ARPC5: variants seen among roughly 807,000 people sequenced by gnomAD.
The protein encoded by ARPC5 is actin related protein 2/3 complex subunit 5, also known as actin-related protein 2/3 complex subunit 5.
Under a neutral mutation model 15.4 loss-of-function variants are expected in ARPC5, and 5 were observed. That is an observed-to-expected ratio of 0.32 (90% CI 0.17 to 0.68). The LOEUF (loss-of-function observed/expected upper bound fraction) is 0.68. Ranked by LOEUF, ARPC5 falls within the 30% of genes least tolerant of loss-of-function variation. The pLI, the probability that ARPC5 is intolerant of heterozygous loss-of-function variation, is 0.71. For missense variants in ARPC5, 138 were observed against 192.8 expected, an observed-to-expected ratio of 0.72 and a Z score of 1.68; for synonymous variants, 85 against 72.2, an observed-to-expected ratio of 1.18 and a Z score of -0.90.
At chr1:183,633,021 A>G in intron 2 of ARPC5, 61 bp downstream of exon 2, 1 of 1,272,626 alleles carries the variant, frequency 7.9e-7, no homozygotes, top group Non-Finnish European at 1.1e-6. Flanking sequence ...TTGCAACTGC[A>G]GAGGATTTTA....
At position 183,635,522 on chromosome 1, in the gene ARPC5, C is replaced by G. The variant is rs748896253; in HGVS notation, c.138G>C (p.Leu46=). ...GGCGGTGAATGCAAGGATATTGCCG[C>G]AGGCAGGAGTCCACCTCGCCCTCGT... ...GPDEGEVDSC[L]RQGNMTAALQ... The change falls in exon 1 of 4, where the codon CTG becomes CTC. Residue 46 remains leucine, a synonymous_variant. Coordinates refer to ENST00000359856, the MANE Select transcript of ARPC5 (RefSeq NM_005717.4). 6.2e-7 allele frequency: 1 copy of G among 1,611,178 alleles called. No homozygotes were observed. The highest frequency in any genetic ancestry group is 8.5e-7 in the Non-Finnish European group (1 of 1,179,010).
At position 183,623,749 on chromosome 1, in the gene ARPC5, C is replaced by T. The variant is rs977777319; in HGVS notation, c.*3783G>A. ...CTAAAAATTAATCAATCTGGCTGGG[C>T]GCGGTGGTCACGCCTGTAATCCCAG... On this transcript the variant is annotated 3_prime_UTR_variant, in exon 4 of 4. Transcript: ENST00000359856. 8 of 488,244 alleles carry T rather than the reference C, an allele frequency of 1.6e-5. No homozygotes were observed. The highest frequency in any genetic ancestry group is 3.9e-5 in the African/African-American group (2 of 50,964). The allele number at this position is 488,244 out of a possible 1,614,324, so 30.2% of individuals were successfully genotyped here.
chr1:183,631,235 AATTT>A, intron 2 of ARPC5: 1 of 152,108 alleles, frequency 6.6e-6, no homozygotes, highest in South Asian at 2.1e-4. Context: ...ATAATTTAAC[AATTT>A]ATTAAAACAA....
rs1251673041 is a variant in ARPC5, at chr1:183,635,692, T to G, written c.-33A>C. 2.5e-6 allele frequency: 4 copies of G among 1,601,306 alleles called. No individual in the cohort carries two copies. The highest frequency in any genetic ancestry group is 3.4e-5 in the Admixed American group (2 of 58,826). On this transcript the variant is annotated 5_prime_UTR_variant, in exon 1 of 4. Transcript: ENST00000359856. ...CCGACCAGCGGCAAAGGCCTCTTCT[T>G]GGCGCTGCCTCTACCTCAGCAAGCC...
At chr1:183,631,763 T>C (rs1369536193) in intron 2 of ARPC5, 1 of 152,154 alleles carries the variant, frequency 6.6e-6, no homozygotes, top group Admixed American at 6.5e-5. Flanking sequence ...AGATATGAAA[T>C]ATAGTGATGT....
chr1:183,634,492 T>A (rs562256811), intron 1 of ARPC5, among the ~76,000 whole-genome samples: 47 of 152,366 alleles, frequency 3.1e-4, no homozygotes, highest in African/African-American at 1.1e-3. Context: ...TAGAAATGCA[T>A]ACAAATTCAG....
intron 2 of ARPC5, 156 bp from the exon 3 acceptor site, chr1:183,630,793 G>T: frequency 1.5e-6 from 1 of 668,644 alleles, no homozygotes; most frequent in Non-Finnish European, 2.5e-6. Flanking sequence ...TCAGACAGAG[G>T]AAAGAACAGT....
rs1167139383 is a variant in ARPC5, at chr1:183,621,962, T to G, written c.*5570A>C. The G allele has an allele frequency of 6.6e-6, 1 of 152,212 alleles. No individual in the cohort carries two copies. Among genetic ancestry groups the G allele is most frequent in the Non-Finnish European group, 1.5e-5 (1 of 68,040 alleles). The allele number at this position is 152,212 out of a possible 1,614,324, so 9.4% of individuals were successfully genotyped here. A position where few individuals can be genotyped will look rare whatever the true frequency, so the allele number is the denominator to read the frequency against. ...GCAGCCCAGTAGGTCTCAGCCTTAT[T>G]TTACCCAGCTTCTATTCAAGAAGGA... On this transcript the variant is annotated 3_prime_UTR_variant, in exon 4 of 4. Transcript: ENST00000359856.
chr1:183,633,355 T>A, intron 1 of ARPC5: 1 of 416,910 alleles, frequency 2.4e-6, no homozygotes, highest in Non-Finnish European at 4.3e-6. Context: ...GACTTTTTTT[T>A]AATAAAGCAA....
At position 183,623,752 on chromosome 1, in the gene ARPC5, G is replaced by C. The variant is rs960774361; in HGVS notation, c.*3780C>G. The C allele has an allele frequency of 2.1e-6, 1 of 478,708 alleles. No individual in the cohort carries two copies. Among genetic ancestry groups the C allele is most frequent in the Non-Finnish European group, 3.8e-6 (1 of 265,454 alleles). The allele number at this position is 478,708 out of a possible 1,614,324, so 29.7% of individuals were successfully genotyped here. On this transcript the variant is annotated 3_prime_UTR_variant, in exon 4 of 4. Coordinates refer to ENST00000359856, the MANE Select transcript of ARPC5 (RefSeq NM_005717.4). Reference sequence around the variant, plus strand: ...AAAATTAATCAATCTGGCTGGGCGCGGTGGTCACGCCTGTAATCCCAGTGC... The same window carrying C: ...AAAATTAATCAATCTGGCTGGGCGCCGTGGTCACGCCTGTAATCCCAGTGC...
intron 1 of ARPC5, among the ~76,000 whole-genome samples, chr1:183,634,617 C>G (rs1227326460): frequency 6.6e-6 from 1 of 152,152 alleles, no homozygotes; most frequent in East Asian, 1.9e-4. Context: ...TATGCAAAAA[C>G]AGAAACCGGG....
rs1203325549 is a variant in ARPC5 at position 183,624,964 on chromosome 1, T to C, written c.*2568A>G. 1.3e-5 allele frequency: 2 copies of C among 152,204 alleles called. No homozygotes were observed. The highest frequency in any genetic ancestry group is 2.1e-4 in the South Asian group (1 of 4,828). The allele number at this position is 152,204 out of a possible 1,614,324, so 9.4% of individuals were successfully genotyped here. A position where few individuals can be genotyped will look rare whatever the true frequency, so the allele number is the denominator to read the frequency against. On this transcript the variant is annotated 3_prime_UTR_variant, in exon 4 of 4. Coordinates refer to ENST00000359856, the MANE Select transcript of ARPC5 (RefSeq NM_005717.4). ...TACACATTGATTTCACCCATGTTCA[T>C]GTCCTTAAAATATCATCATACTTGT...
rs558383062 is a variant in ARPC5, at chr1:183,635,042, C to T, written c.143+475G>A. ...CTTAACGCTACCAATAACAAAAACA[C>T]AACAAAAAACAAAACCACTAAGGAA... On this transcript the variant is annotated intron_variant, in intron 1 of 3. Transcript: ENST00000359856. Among the ~76,000 whole-genome samples the T allele has an allele frequency of 4.2e-4, 64 of 151,492 alleles. 1 individual carries two copies. Among genetic ancestry groups the T allele is most frequent in the African/African-American group, 1.5e-3 (64 of 41,292 alleles).
Position 183,620,864 on chromosome 1 carries a change from T to TTTTA in ARPC5, c.*6664_*6667dup, listed in dbSNP as rs1210413440. ...AATTAGATAAAAATAAAAATAACCT[T>TTTTA]TTTATTTATAGTAAAAGCTATTATA... On this transcript the variant is annotated 3_prime_UTR_variant, in exon 4 of 4. Coordinates refer to ENST00000359856, the MANE Select transcript of ARPC5 (RefSeq NM_005717.4). 1 of 152,054 alleles carries TTTTA rather than the reference T, an allele frequency of 6.6e-6. No homozygotes were observed. The highest frequency in any genetic ancestry group is 1.5e-5 in the Non-Finnish European group (1 of 67,996). The allele number at this position is 152,054 out of a possible 1,614,324, so 9.4% of individuals were successfully genotyped here. A position where few individuals can be genotyped will look rare whatever the true frequency, so the allele number is the denominator to read the frequency against.
Position 183,632,834 on chromosome 1 carries a change from CCT to C in ARPC5, c.216+246_216+247del, listed in dbSNP as rs376437384. On this transcript the variant is annotated intron_variant, in intron 2 of 3. Transcript: ENST00000359856. The stretch of plus-strand genomic sequence containing the variant: ...TGCTCAAATTCAGCCTGAGTGGTCT[CCT>C]CTAAAAACACACACAAATGATTTCA... The C allele has an allele frequency of 1.6e-3, 549 of 334,774 alleles. 6 individuals carry two copies. The highest frequency in any genetic ancestry group is 0.011 in the African/African-American group (513 of 46,336). 20.7% of individuals were successfully genotyped at this position (334,774 alleles called of 1,614,324 possible).
Position 183,625,855 on chromosome 1 carries a change from C to G in ARPC5, c.*1677G>C, listed in dbSNP as rs1433732812. 6.6e-6 allele frequency: 1 copy of G among 152,182 alleles called. No individual in the cohort carries two copies. Among genetic ancestry groups the G allele is most frequent in the Non-Finnish European group, 1.5e-5 (1 of 68,044 alleles). The allele number at this position is 152,182 out of a possible 1,614,324, so 9.4% of individuals were successfully genotyped here. ...AGAAGTCGCTGTGAGTAGGTAAGTA[C>G]AAGAAATAGATTTGAGGTGAAAGAA... On this transcript the variant is annotated 3_prime_UTR_variant, in exon 4 of 4. Transcript: ENST00000359856.
Position 183,627,399 on chromosome 1 carries a change from C to T in ARPC5, c.*133G>A. The T allele has an allele frequency of 1.3e-6, 1 of 741,606 alleles. No individual in the cohort carries two copies. 45.9% of individuals were successfully genotyped at this position (741,606 alleles called of 1,614,324 possible). A position where few individuals can be genotyped will look rare whatever the true frequency, so the allele number is the denominator to read the frequency against. On this transcript the variant is annotated 3_prime_UTR_variant, in exon 4 of 4. Transcript: ENST00000359856. Reference sequence around the variant, plus strand: ...AACTGATATGTAATTTTTTTCTTTACAGATATGAAAAAGCAAGAAGGCAAA... The same window carrying T: ...AACTGATATGTAATTTTTTTCTTTATAGATATGAAAAAGCAAGAAGGCAAA...
At chr1:183,634,245 A>G (rs1649354090) in intron 1 of ARPC5, among the ~76,000 whole-genome samples, 2 of 152,260 alleles carry the variant, frequency 1.3e-5, no homozygotes, top group South Asian at 4.1e-4. Context: ...TGCCTGATGT[A>G]GATTAGCTCA....
chr1:183,629,564 CAT>C (rs1463165594), intron 3 of ARPC5, among the ~76,000 whole-genome samples: 1 of 152,172 alleles, frequency 6.6e-6, no homozygotes, highest in Non-Finnish European at 1.5e-5. Flanking sequence ...GTTCTATTTA[CAT>C]GTTATCCAGT....
Sources: gnomAD v4.1 joint callset for allele counts (sites outside exome capture counted in the v4.1 genomes callset) on GRCh38, gnomAD v4.1.1 for gene constraint, MANE v1.5 for transcripts, NCBI Gene and HGNC (gene_info 2026-07-23, HGNC 2026-07-21) for gene names.